Variants in CNTNAP5 observed in about 807,000 individuals in gnomAD.
CNTNAP5 encodes contactin-associated protein-like 5.
Under a neutral mutation model 150.2 loss-of-function variants are expected in CNTNAP5, and 72 were observed. The ratio of observed to expected loss-of-function variants is 0.48; its 90% CI spans 0.40 to 0.58. The LOEUF is 0.58. CNTNAP5 is among the 20% of genes least tolerant of loss of function. CNTNAP5 has a pLI of 0.00. For synonymous variants in CNTNAP5, 672 were observed against 619.8 expected, an observed-to-expected ratio of 1.08 and a Z score of -1.25; for missense variants, 1,636 against 1,626.2, an observed-to-expected ratio of 1.01 and a Z score of -0.10.
intron 3 of CNTNAP5, among the ~76,000 whole-genome samples, chr2:124,386,696 G>A (rs1393141336): frequency 1.3e-5 from 2 of 151,958 alleles, no homozygotes; most frequent in African/African-American, 4.8e-5. Context: ...ACACCTCAGT[G>A]CCTTCAGTGT....
At chr2:124,683,797 CA>C (rs1329038598) in intron 13 of CNTNAP5, among the ~76,000 whole-genome samples, 1 of 151,936 alleles carries the variant, frequency 6.6e-6, no homozygotes, top group Non-Finnish European at 1.5e-5. Flanking sequence ...CTCTTCAAGA[CA>C]AAAACAGAAA....
intron 1 of CNTNAP5, among the ~76,000 whole-genome samples, chr2:124,137,302 G>T (rs1558770371): frequency 6.6e-6 from 1 of 150,684 alleles, no homozygotes; most frequent in African/African-American, 2.4e-5. Flanking sequence ...TTCCTCTGTA[G>T]TTTTTTTTTC....
chr2:124,846,350 C>T (rs188037373), intron 19 of CNTNAP5, among the ~76,000 whole-genome samples: 28 of 152,220 alleles, frequency 1.8e-4, no homozygotes, highest in African/African-American at 5.8e-4. Flanking sequence ...AGATCTTTCT[C>T]CCGCTTGTTT....
intron 1 of CNTNAP5, among the ~76,000 whole-genome samples, chr2:124,127,002 G>A (rs1348173700): frequency 6.6e-6 from 1 of 152,188 alleles, no homozygotes; most frequent in Non-Finnish European, 1.5e-5. Context: ...ACTGGCACAA[G>A]ACAGGGATGC....
At chr2:124,673,178 A>G (rs1403737036) in intron 13 of CNTNAP5, among the ~76,000 whole-genome samples, 2 of 152,186 alleles carry the variant, frequency 1.3e-5, no homozygotes, top group African/African-American at 4.8e-5. Context: ...TATTGAGCTT[A>G]CTACTAACAA....
chr2:124,422,891 G>C (rs1167070281), intron 4 of CNTNAP5, among the ~76,000 whole-genome samples: 2 of 152,160 alleles, frequency 1.3e-5, no homozygotes, highest in East Asian at 3.9e-4. Flanking sequence ...TCCAGTGCTT[G>C]TATAAGCATT....
At chr2:124,168,293 T>A (rs574259418) in intron 1 of CNTNAP5, among the ~76,000 whole-genome samples, 52 of 152,320 alleles carry the variant, frequency 3.4e-4, no homozygotes, top group Non-Finnish European at 6.0e-4. Flanking sequence ...GCAAGCAAGG[T>A]AAAGAGTCTG....
chr2:124,406,094 G>A lies in CNTNAP5; in HGVS notation c.382-11349G>A, dbSNP rs527738148. On this transcript the variant is annotated intron_variant, in intron 3 of 23. Transcript: ENST00000682447. ...CGTTTAGATTTCTTCTTTGACCTAC[G>A]GGTTACATAAAACTGTGTTGATTAA... 3.9e-4 allele frequency among the ~76,000 whole-genome samples: 60 copies of A among 152,136 alleles called. 1 individual carries two copies. The highest frequency in any genetic ancestry group is 9.8e-4 in the Admixed American group (15 of 15,260).
chr2:124,512,314 T>A (rs6722877), intron 8 of CNTNAP5, among the ~76,000 whole-genome samples: 1 of 151,568 alleles, frequency 6.6e-6, no homozygotes, highest in East Asian at 2.0e-4. Flanking sequence ...GGATTTTCAG[T>A]ATTAAAGAGT....
chr2:124,887,524 A>G (rs1404149538), intron 21 of CNTNAP5, among the ~76,000 whole-genome samples: 1 of 152,108 alleles, frequency 6.6e-6, no homozygotes, highest in Non-Finnish European at 1.5e-5. Context: ...GCAACCTACC[A>G]GAGTTGCTCT....
At chr2:124,195,306 G>T (rs893596253) in intron 1 of CNTNAP5, among the ~76,000 whole-genome samples, 29 of 152,168 alleles carry the variant, frequency 1.9e-4, no homozygotes, top group African/African-American at 7.0e-4. Flanking sequence ...GGATCCTAGA[G>T]GAACACTACT....
chr2:124,405,417 C>T (rs1193217499), intron 3 of CNTNAP5, among the ~76,000 whole-genome samples: 1 of 152,144 alleles, frequency 6.6e-6, no homozygotes, highest in Admixed American at 6.6e-5. Flanking sequence ...ATGATGCAGC[C>T]ACTGCAATTA....
intron 19 of CNTNAP5, among the ~76,000 whole-genome samples, chr2:124,799,856 A>G (rs543610603): frequency 6.6e-6 from 1 of 152,328 alleles, no homozygotes; most frequent in African/African-American, 2.4e-5. Context: ...AGGAAAATAG[A>G]CAGAAATAGA....
chr2:124,604,319 T>G (rs1025525803), intron 11 of CNTNAP5, among the ~76,000 whole-genome samples: 4 of 152,210 alleles, frequency 2.6e-5, no homozygotes, highest in African/African-American at 9.6e-5. Context: ...CATAATATAA[T>G]AGCAATATCG....
intron 5 of CNTNAP5, among the ~76,000 whole-genome samples, chr2:124,444,916 T>G (rs1692774030): frequency 6.6e-6 from 1 of 152,112 alleles, no homozygotes; most frequent in African/African-American, 2.4e-5. Context: ...CATGGCCCTG[T>G]GCACTGAGTG....
intron 1 of CNTNAP5, among the ~76,000 whole-genome samples, chr2:124,102,002 C>T (rs1683077334): frequency 6.6e-6 from 1 of 152,146 alleles, no homozygotes; most frequent in Non-Finnish European, 1.5e-5. Flanking sequence ...ACTGATTTTC[C>T]ACAACCAGCT....
intron 3 of CNTNAP5, among the ~76,000 whole-genome samples, chr2:124,247,591 A>C (rs1320388536): frequency 1.9e-5 from 1 of 52,556 alleles, no homozygotes; most frequent in Non-Finnish European, 5.6e-5. Flanking sequence ...ATAAATATAC[A>C]AAAAAATGGG....
At chr2:124,663,264 CAGTT>C (rs1678630291) in intron 13 of CNTNAP5, among the ~76,000 whole-genome samples, 1 of 152,142 alleles carries the variant, frequency 6.6e-6, no homozygotes, top group Non-Finnish European at 1.5e-5. Flanking sequence ...GCCCAGACGC[CAGTT>C]AGACATTCGC....
chr2:124,388,045 G>A (rs927768775), intron 3 of CNTNAP5, among the ~76,000 whole-genome samples: 9 of 152,170 alleles, frequency 5.9e-5, no homozygotes, highest in African/African-American at 2.2e-4. Flanking sequence ...GCTTCAGAGT[G>A]GCCTTAGGAA....
Sources: gnomAD v4.1 joint callset for allele counts (sites outside exome capture counted in the v4.1 genomes callset) on GRCh38, gnomAD v4.1.1 for gene constraint, MANE v1.5 for transcripts, NCBI Gene and HGNC (gene_info 2026-07-23, HGNC 2026-07-21) for gene names.